ANXA4: variants seen among roughly 807,000 people sequenced by gnomAD.
The protein encoded by ANXA4 is 35-beta calcimedin.
Under a neutral mutation model 49.8 loss-of-function variants are expected in ANXA4, and 39 were observed. That is an observed-to-expected ratio of 0.78 (90% confidence interval 0.61 to 1.02). The LOEUF (loss-of-function observed/expected upper bound fraction) is 1.02. Ranked by LOEUF, ANXA4 falls within the 50% of genes least tolerant of loss-of-function variation. ANXA4 has a pLI of 0.00. For missense variants in ANXA4, 360 were observed against 410.1 expected (o/e 0.88, Z 1.05); for synonymous variants, 134 against 152.5 (o/e 0.88, Z 0.89).
Position 69,818,625 on chromosome 2 carries a change from CAGA to C in ANXA4, c.658_660del (p.Lys220del). On this transcript the variant is annotated inframe_deletion, in exon 10 of 13. Coordinates refer to ENST00000394295, the MANE Select transcript of ANXA4 (RefSeq NM_001153.5). ...GTTTGATGAATACAAAAGGATATCA[CAGA>C]AGGATATTGAACAGAGTATTAAATC... 6.2e-7 allele frequency: 1 copy of C among 1,608,840 alleles called. No homozygotes were observed. Among genetic ancestry groups the C allele is most frequent in the South Asian group, 1.1e-5 (1 of 90,226 alleles).
chr2:69,760,687 G>A (rs918879414), intron 1 of ANXA4, among the ~76,000 whole-genome samples: 1 of 152,026 alleles, frequency 6.6e-6, no homozygotes, highest in Non-Finnish European at 1.5e-5. Context: ...TTAGCAAATG[G>A]GGAAATGAAG....
chr2:69,801,945 T>C (rs1416314715), intron 3 of ANXA4, among the ~76,000 whole-genome samples: 3 of 152,188 alleles, frequency 2.0e-5, no homozygotes, highest in Non-Finnish European at 2.9e-5. Flanking sequence ...TAAGAGGACA[T>C]ATAAACCAAT....
intron 8 of ANXA4, chr2:69,814,825 A>T (rs1300954544): frequency 6.7e-6 from 1 of 148,340 alleles, no homozygotes. Flanking sequence ...GAGTTGGGCA[A>T]GTACCAGGAT....
chr2:69,661,398 C>G (rs1202385001), intron 2 of ANXA4, among the ~76,000 whole-genome samples: 1 of 151,842 alleles, frequency 6.6e-6, no homozygotes, highest in African/African-American at 2.4e-5. Context: ...AATCTCAGCA[C>G]TTTGGGAGGC....
intron 2 of ANXA4, among the ~76,000 whole-genome samples, chr2:69,673,841 TG>T (rs933272167): frequency 9.2e-5 from 14 of 152,036 alleles, no homozygotes; most frequent in African/African-American, 3.4e-4. Flanking sequence ...GACTGTGGGC[TG>T]GGAGAATCCC....
intron 2 of ANXA4, among the ~76,000 whole-genome samples, chr2:69,662,759 C>T (rs372827104): frequency 2.6e-5 from 4 of 152,144 alleles, no homozygotes; most frequent in East Asian, 3.9e-4. Context: ...CACTTACACA[C>T]GCACTCAGGG....
At chr2:69,801,402 T>TG (rs962538490) in intron 3 of ANXA4, among the ~76,000 whole-genome samples, 13 of 137,424 alleles carry the variant, frequency 9.5e-5, no homozygotes, top group Non-Finnish European at 1.7e-4. Flanking sequence ...ATCTGTTTTT[T>TG]GTTTTTTTTT....
At chr2:69,813,756 CTCTTT>C (rs1453726939) in intron 8 of ANXA4, among the ~76,000 whole-genome samples, 118 of 84,674 alleles carry the variant, frequency 1.4e-3, no homozygotes, top group African/African-American at 1.5e-3. Context: ...CTCTCTCTCT[CTCTTT>C]TTTTTTTTTT....
intron 1 of ANXA4, among the ~76,000 whole-genome samples, chr2:69,777,093 C>T (rs1188765446): frequency 6.6e-6 from 1 of 152,126 alleles, no homozygotes; most frequent in Non-Finnish European, 1.5e-5. Context: ...TGGAAGAATG[C>T]ATAGGGTGGG....
intron 1 of ANXA4, among the ~76,000 whole-genome samples, chr2:69,647,111 C>T (rs1676034778): frequency 6.6e-6 from 1 of 152,202 alleles, no homozygotes; most frequent in African/African-American, 2.4e-5. Context: ...ATCAAAGCTC[C>T]TGTAACTTAA....
At chr2:69,721,546 GAA>G (rs1199297424) in intron 3 of ANXA4, among the ~76,000 whole-genome samples, 1 of 151,992 alleles carries the variant, frequency 6.6e-6, no homozygotes, top group Non-Finnish European at 1.5e-5. Flanking sequence ...AAAAAAAATT[GAA>G]AAGTTAACCA....
At chr2:69,795,713 T>C (rs1023302775) in intron 3 of ANXA4, among the ~76,000 whole-genome samples, 1 of 152,220 alleles carries the variant, frequency 6.6e-6, no homozygotes, top group Non-Finnish European at 1.5e-5. Flanking sequence ...TGGATTAATG[T>C]TGGCTTTCAC....
chr2:69,692,177 G>C (rs1358727483), intron 2 of ANXA4, among the ~76,000 whole-genome samples: 6 of 152,168 alleles, frequency 3.9e-5, no homozygotes, highest in Non-Finnish European at 2.9e-5. Context: ...GAGCCACCGC[G>C]CCCAGACAAC....
rs900193632 is a variant in ANXA4 at position 69,814,466 on chromosome 2, C to A, written c.535-1635C>A. 2.0e-5 allele frequency among the ~76,000 whole-genome samples: 3 copies of A among 151,024 alleles called. No homozygotes were observed. In the East Asian group the frequency reaches 5.9e-4, roughly 30 times the overall value. ...GCTCAAGTGATCCTCCCACCTCAGC[C>A]TCCTGAGTAGCTGGACTACAGGCGT... On this transcript the variant is annotated intron_variant, in intron 8 of 12. Coordinates refer to ENST00000394295, the MANE Select transcript of ANXA4 (RefSeq NM_001153.5).
intron 3 of ANXA4, among the ~76,000 whole-genome samples, chr2:69,793,833 TA>T (rs796362407): frequency 0.023 from 3,201 of 136,406 alleles, 124 homozygotes; most frequent in African/African-American, 0.08. Flanking sequence ...CAAGACACAG[TA>T]AAAAAAAAAA....
chr2:69,763,269 G>A (rs975357632), intron 1 of ANXA4, among the ~76,000 whole-genome samples: 5 of 152,154 alleles, frequency 3.3e-5, no homozygotes, highest in Admixed American at 6.5e-5. Flanking sequence ...ACTTCGGGGC[G>A]CGGGAGGCCC....
intron 3 of ANXA4, among the ~76,000 whole-genome samples, chr2:69,723,026 T>A (rs61075552): frequency 0.1 from 12,453 of 123,422 alleles, 1,182 homozygotes; most frequent in African/African-American, 0.26. Flanking sequence ...CCAAAAAATA[T>A]ATATATATAT....
chr2:69,792,580 G>A (rs1012879221), intron 3 of ANXA4, among the ~76,000 whole-genome samples: 6 of 132,398 alleles, frequency 4.5e-5, no homozygotes, highest in Admixed American at 8.6e-5. Flanking sequence ...ATGTTTACAC[G>A]CAGTGTTTTT....
At chr2:69,656,305 GTATATATGTATATATATGTATA>G (rs1676463489) in intron 2 of ANXA4, among the ~76,000 whole-genome samples, 2 of 108,864 alleles carry the variant, frequency 1.8e-5, no homozygotes, top group African/African-American at 7.4e-5. Context: ...GTATATATAT[GTATATATGTATATATATGTATA>G]TATATGTGTA....
Sources: gnomAD v4.1 joint callset for allele counts (sites outside exome capture counted in the v4.1 genomes callset) on GRCh38, gnomAD v4.1.1 for gene constraint, MANE v1.5 for transcripts, NCBI Gene and HGNC (gene_info 2026-07-23, HGNC 2026-07-21) for gene names.